The following MAD1L1 variants were observed in gnomAD, a reference collection of about 807,000 sequenced individuals.
MAD1L1 encodes the protein mitotic arrest deficient 1 like 1.
Under a neutral mutation model 96.9 loss-of-function variants are expected in MAD1L1, and 95 were observed. The observed-to-expected ratio is 0.98, with a 90% confidence interval of 0.83 to 1.16. The LOEUF is 1.16. Ranked by LOEUF, MAD1L1 falls within the 50% of genes most tolerant of loss-of-function variation. MAD1L1 has a pLI of 0.00. For missense variants in MAD1L1, 1,007 were observed against 954.4 expected (o/e 1.06, Z -0.73); for synonymous variants, 473 against 396.6 (o/e 1.19, Z -2.29).
intron 18 of MAD1L1, among the ~76,000 whole-genome samples, chr7:1,881,377 T>C (rs1394805956): frequency 6.6e-6 from 1 of 152,194 alleles, no homozygotes; most frequent in Non-Finnish European, 1.5e-5. Context: ...CCAGCATAAA[T>C]GGGTTAATAA....
chr7:1,939,759 G>A (rs1306638808), intron 16 of MAD1L1, among the ~76,000 whole-genome samples: 1 of 152,238 alleles, frequency 6.6e-6, no homozygotes, highest in African/African-American at 2.4e-5. Flanking sequence ...AAGAGACCGG[G>A]CGCAGTAAGC....
At chr7:1,895,317 CTG>C (rs2128440445) in intron 18 of MAD1L1, among the ~76,000 whole-genome samples, 1 of 152,308 alleles carries the variant, frequency 6.6e-6, no homozygotes, top group Non-Finnish European at 1.5e-5. Flanking sequence ...TCAGACGTAA[CTG>C]TACCTGCTTT....
At position 2,034,505 on chromosome 7, in the gene MAD1L1, C is replaced by T. The variant is rs573577121; in HGVS notation, c.1219-19863G>A. Among the ~76,000 whole-genome samples, 5 of 152,286 alleles carry T rather than the reference C, an allele frequency of 3.3e-5. No individual in the cohort carries two copies. The South Asian group carries it at 6.2e-4, about 19-fold the overall frequency. ...TGCTAGGATTACAGGCATGAGCCAC[C>T]GCAGCCGGCCAAGAGTTTACTTTTG... On this transcript the variant is annotated intron_variant, in intron 12 of 18. Transcript: ENST00000265854.
chr7:2,057,810 A>G (rs1487467299), intron 12 of MAD1L1, among the ~76,000 whole-genome samples: 2 of 152,236 alleles, frequency 1.3e-5, no homozygotes, highest in Non-Finnish European at 2.9e-5. Context: ...TCATTAATTC[A>G]GTAAAGAGTA....
chr7:2,039,523 G>A (rs1360405144), intron 12 of MAD1L1, among the ~76,000 whole-genome samples: 12 of 152,214 alleles, frequency 7.9e-5, no homozygotes, highest in Non-Finnish European at 1.8e-4. Flanking sequence ...ACTGGCATCT[G>A]ATGGTGTCCG....
intron 14 of MAD1L1, among the ~76,000 whole-genome samples, chr7:1,989,218 C>T (rs986225463): frequency 3.3e-5 from 5 of 152,056 alleles, no homozygotes; most frequent in South Asian, 2.1e-4. Flanking sequence ...ACGGCTCTAA[C>T]GAAACGTGGA....
intron 12 of MAD1L1, among the ~76,000 whole-genome samples, chr7:2,056,809 C>T (rs529656525): frequency 3.3e-5 from 5 of 152,348 alleles, no homozygotes; most frequent in African/African-American, 9.6e-5. Context: ...GAGAGGAACA[C>T]AGGCTGTGCT....
intron 10 of MAD1L1, among the ~76,000 whole-genome samples, chr7:2,201,636 T>A (rs1792305553): frequency 6.6e-6 from 1 of 152,152 alleles, no homozygotes; most frequent in South Asian, 2.1e-4. Context: ...CTACAAAGCT[T>A]GGAGAAAAGC....
chr7:2,007,108 G>C (rs77320894), intron 13 of MAD1L1, among the ~76,000 whole-genome samples: 1 of 152,136 alleles, frequency 6.6e-6, no homozygotes, highest in Non-Finnish European at 1.5e-5. Flanking sequence ...GGGCCTGGCA[G>C]GCCAGCACCA....
chr7:1,887,479 G>C (rs1246030233), intron 18 of MAD1L1, among the ~76,000 whole-genome samples: 2 of 151,602 alleles, frequency 1.3e-5, no homozygotes, highest in Non-Finnish European at 2.9e-5. Context: ...GCATGTGGCT[G>C]CCCGTGTGGG....
chr7:2,150,779 C>G (rs918670363), intron 10 of MAD1L1, among the ~76,000 whole-genome samples: 2 of 152,218 alleles, frequency 1.3e-5, no homozygotes, highest in African/African-American at 4.8e-5. Flanking sequence ...TGACCACAGC[C>G]AATTCACACA....
At position 2,023,874 on chromosome 7, in the gene MAD1L1, G is replaced by C. The variant is rs552806737; in HGVS notation, c.1219-9232C>G. Among the ~76,000 whole-genome samples, 4 of 152,140 alleles carry C rather than the reference G, an allele frequency of 2.6e-5. 1 individual carries two copies. The South Asian group carries it at 8.3e-4, about 32-fold the overall frequency. On this transcript the variant is annotated intron_variant, in intron 12 of 18. Coordinates refer to ENST00000265854, the MANE Select transcript of MAD1L1 (RefSeq NM_001013836.2). ...CGAGGCAGGAGAATCGCTTGAACCT[G>C]GGAGGCGGAAGTTGCAGTGAGCCGA...
At chr7:1,893,023 G>A (rs2128438985) in intron 18 of MAD1L1, among the ~76,000 whole-genome samples, 1 of 152,348 alleles carries the variant, frequency 6.6e-6, no homozygotes, top group East Asian at 1.9e-4. Context: ...GTGCAGCCGG[G>A]ATGGAGAGAC....
At chr7:1,829,068 G>A (rs950499590) in intron 18 of MAD1L1, among the ~76,000 whole-genome samples, 11 of 152,220 alleles carry the variant, frequency 7.2e-5, no homozygotes, top group Admixed American at 3.9e-4. Flanking sequence ...AGGAAAAAAC[G>A]GAAAGACAGA....
intron 10 of MAD1L1, among the ~76,000 whole-genome samples, chr7:2,190,030 T>C (rs1791645288): frequency 6.6e-6 from 1 of 151,710 alleles, no homozygotes; most frequent in Admixed American, 6.6e-5. Context: ...AAATAAAAAG[T>C]AAATGGGGGG....
rs1562570116 is a variant in MAD1L1 at position 1,968,650 on chromosome 7, G to A, written c.1506-10931C>T. Among the ~76,000 whole-genome samples, 1 of 152,258 alleles carries A rather than the reference G, an allele frequency of 6.6e-6. No homozygotes were observed. The highest frequency in any genetic ancestry group is 2.1e-4 in the South Asian group (1 of 4,836). On this transcript the variant is annotated intron_variant, in intron 15 of 18. Transcript: ENST00000265854. The surrounding 1 kb of genome is among the most constrained non-coding windows in gnomAD (Gnocchi z 5.6). Reference sequence around the variant, plus strand: ...AGTCCAGCGGTCAGGTCCACCTGCTGTTGCGTGGATGTCAGGGGCTCCCTG... The same window carrying A: ...AGTCCAGCGGTCAGGTCCACCTGCTATTGCGTGGATGTCAGGGGCTCCCTG...
At chr7:1,821,667 C>T (rs1303278320) in intron 18 of MAD1L1, among the ~76,000 whole-genome samples, 2 of 152,144 alleles carry the variant, frequency 1.3e-5, no homozygotes, top group African/African-American at 4.8e-5. Context: ...ACCCTATCAA[C>T]AGGCTAAAGG....
At chr7:1,825,729 CA>C (rs1562429479) in intron 18 of MAD1L1, among the ~76,000 whole-genome samples, 2 of 152,214 alleles carry the variant, frequency 1.3e-5, no homozygotes. Context: ...TAAAACGTCT[CA>C]GGGGCTGAAG....
chr7:2,007,448 G>A (rs55828714), intron 13 of MAD1L1, among the ~76,000 whole-genome samples: 5,274 of 152,304 alleles, frequency 0.035, 195 homozygotes, highest in Admixed American at 0.097. Flanking sequence ...TTGGGAGGCC[G>A]AGGCGGGTGG....
Sources: gnomAD v4.1 joint callset for allele counts (sites outside exome capture counted in the v4.1 genomes callset) on GRCh38, gnomAD v4.1.1 for gene constraint, Gnocchi (gnomAD v3.1) non-coding constraint, MANE v1.5 for transcripts, NCBI Gene and HGNC (gene_info 2026-07-23, HGNC 2026-07-21) for gene names.